The following RAB8B variants were observed in gnomAD, a reference collection of about 807,000 sequenced individuals.
The protein encoded by RAB8B is RAB8B, member RAS oncogene family, also known as ras-related protein Rab-8B.
A neutral mutation model predicts 32.0 loss-of-function variants in RAB8B; 11 were observed. That is an observed-to-expected ratio of 0.34 (90% CI 0.22 to 0.57). RAB8B has a LOEUF of 0.57. Among genes scored for constraint, RAB8B ranks in the 20% least tolerant of loss-of-function variants. The pLI, the probability that RAB8B is intolerant of heterozygous loss-of-function variation, is 0.86. For missense variants in RAB8B, 190 were observed against 258.5 expected (o/e 0.73, Z 1.82); for synonymous variants, 103 against 89.6 (o/e 1.15, Z -0.85).
chr15:63,212,312 C>T (rs1054838466), intron 1 of RAB8B, among the ~76,000 whole-genome samples: 19 of 152,170 alleles, frequency 1.2e-4, no homozygotes, highest in Non-Finnish European at 2.1e-4. Flanking sequence ...TTTTAAACAT[C>T]CGGGGTTGTG....
At chr15:63,216,226 TA>T (rs143467188) in intron 1 of RAB8B, among the ~76,000 whole-genome samples, 6,874 of 125,954 alleles carry the variant, frequency 0.055, 318 homozygotes, top group East Asian at 0.18. Context: ...ATTAATTAAT[TA>T]ATTATTATTT....
At chr15:63,251,656 C>T (rs1175621522) in intron 3 of RAB8B, among the ~76,000 whole-genome samples, 4 of 152,088 alleles carry the variant, frequency 2.6e-5, no homozygotes, top group Non-Finnish European at 5.9e-5. Context: ...TATTACCTTC[C>T]ACATTTTGAA....
At chr15:63,254,350 C>A (rs1595750116) in intron 3 of RAB8B, among the ~76,000 whole-genome samples, 1 of 152,042 alleles carries the variant, frequency 6.6e-6, no homozygotes, top group Non-Finnish European at 1.5e-5. Flanking sequence ...TAGCAGTTGT[C>A]AAAATTATAA....
intron 1 of RAB8B, among the ~76,000 whole-genome samples, chr15:63,200,924 AAAGG>A: frequency 6.6e-6 from 1 of 152,316 alleles, no homozygotes; most frequent in East Asian, 1.9e-4. Context: ...TTGTGGGAGA[AAAGG>A]AAGGAATTAG....
intron 1 of RAB8B, among the ~76,000 whole-genome samples, chr15:63,235,927 G>T (rs2037975264): frequency 6.6e-6 from 1 of 152,020 alleles, no homozygotes; most frequent in Admixed American, 6.6e-5. Context: ...TCTATACTAT[G>T]ACCCTTAAAG....
intron 3 of RAB8B, among the ~76,000 whole-genome samples, chr15:63,250,924 G>A (rs931232670): frequency 2.0e-5 from 3 of 151,668 alleles, no homozygotes; most frequent in African/African-American, 7.3e-5. Flanking sequence ...CAGAGCTGAA[G>A]GGGTGATAGC....
At chr15:63,215,093 G>A (rs1451700014) in intron 1 of RAB8B, among the ~76,000 whole-genome samples, 2 of 152,096 alleles carry the variant, frequency 1.3e-5, no homozygotes, top group East Asian at 1.9e-4. Context: ...ACCAACAGGG[G>A]CTCTGGGAAT....
intron 7 of RAB8B, 152 bp from the exon 8 acceptor site, chr15:63,263,375 T>C (rs1396116237): frequency 1.7e-6 from 1 of 601,324 alleles, no homozygotes; most frequent in Non-Finnish European, 2.9e-6. Context: ...GGTGCTTAAC[T>C]AGTTCCCGTT....
At chr15:63,228,151 G>A (rs2037905143) in intron 1 of RAB8B, among the ~76,000 whole-genome samples, 1 of 152,012 alleles carries the variant, frequency 6.6e-6, no homozygotes, top group African/African-American at 2.4e-5. Context: ...TAAGTAGTTG[G>A]GACTACAGGC....
At position 63,264,267 on chromosome 15, in the gene RAB8B, C is replaced by T. The variant is rs1229038051; in HGVS notation, c.*648C>T. The T allele has an allele frequency of 1.3e-5, 2 of 152,148 alleles. No homozygotes were observed. Among genetic ancestry groups the T allele is most frequent in the African/African-American group, 2.4e-5 (1 of 41,436 alleles). 9.4% of individuals were successfully genotyped at this position (152,148 alleles called of 1,614,324 possible). A position where few individuals can be genotyped will look rare whatever the true frequency, so the allele number is the denominator to read the frequency against. ...CCAGAGTCTGGGTAGCTGAATGAAT[C>T]ACTTTAAAATGATTACCTCTGCCTA... On this transcript the variant is annotated 3_prime_UTR_variant, in exon 8 of 8. Coordinates refer to ENST00000321437, the MANE Select transcript of RAB8B (RefSeq NM_016530.3).
intron 1 of RAB8B, among the ~76,000 whole-genome samples, chr15:63,197,344 TTTTTC>T (rs1595732170): frequency 6.7e-6 from 1 of 148,642 alleles, no homozygotes; most frequent in South Asian, 2.1e-4. Flanking sequence ...TTTCTTTTTT[TTTTTC>T]TTTCTTTCTT....
chr15:63,219,745 C>T (rs141768321), intron 1 of RAB8B, among the ~76,000 whole-genome samples: 1 of 152,304 alleles, frequency 6.6e-6, no homozygotes, highest in Non-Finnish European at 1.5e-5. Context: ...TGTATTTGAT[C>T]AGACAGATCC....
intron 1 of RAB8B, among the ~76,000 whole-genome samples, chr15:63,205,742 A>G (rs2037693145): frequency 6.6e-6 from 1 of 152,268 alleles, no homozygotes; most frequent in Non-Finnish European, 1.5e-5. Flanking sequence ...ATGGCACTGA[A>G]AAACCATGCC....
intron 1 of RAB8B, among the ~76,000 whole-genome samples, chr15:63,204,908 A>G (rs1248731864): frequency 6.6e-6 from 1 of 152,224 alleles, no homozygotes; most frequent in Non-Finnish European, 1.5e-5. Context: ...CTATAATCCA[A>G]GCACTTTGGG....
rs893487458 is a variant in RAB8B, at chr15:63,224,661, A to G, written c.125-20095A>G. Among the ~76,000 whole-genome samples the G allele has an allele frequency of 2.6e-5, 4 of 152,218 alleles. 1 individual carries two copies. In the South Asian group the frequency reaches 8.3e-4, roughly 32 times the overall value. On this transcript the variant is annotated intron_variant, in intron 1 of 7. Transcript: ENST00000321437. ...ATTTCATAATAAAATGGCTGTGCTA[A>G]GCATACTCAGAGGCTCAAAGAACTA...
rs116551209 is a variant in RAB8B, at chr15:63,219,498, C to A, written c.125-25258C>A. 5.7e-3 allele frequency among the ~76,000 whole-genome samples: 846 copies of A among 147,830 alleles called. 8 individuals carry two copies. Among genetic ancestry groups the A allele is most frequent in the African/African-American group, 0.019 (754 of 40,106 alleles). On this transcript the variant is annotated intron_variant, in intron 1 of 7. Coordinates refer to ENST00000321437, the MANE Select transcript of RAB8B (RefSeq NM_016530.3). Reference sequence around the variant, plus strand: ...GGAAAGAGAACAGACAAGAACATGACAACAGATAAGAGAACACAGAGTCCA... The same window carrying A: ...GGAAAGAGAACAGACAAGAACATGAAAACAGATAAGAGAACACAGAGTCCA...
chr15:63,254,785 G>A (rs192784895), intron 3 of RAB8B, among the ~76,000 whole-genome samples: 14 of 152,188 alleles, frequency 9.2e-5, no homozygotes, highest in East Asian at 5.8e-4. Flanking sequence ...GGTGGCGGGC[G>A]CCTGTAGTCC....
rs117653480 is a variant in RAB8B, at chr15:63,212,941, C to G, written c.124+23193C>G. ...CATTTTCAGAATAGAATTAAAAGCA[C>G]ATGCCACTGTCAGTAGTTAACTATG... On this transcript the variant is annotated intron_variant, in intron 1 of 7. Transcript: ENST00000321437. 2.9e-3 allele frequency among the ~76,000 whole-genome samples: 449 copies of G among 152,342 alleles called. 1 individual carries two copies. The highest frequency in any genetic ancestry group is 3.1e-3 in the Non-Finnish European group (214 of 68,026).
At chr15:63,244,678 T>C (rs2038057684) in intron 1 of RAB8B, 78 bp from the exon 2 acceptor site, 2 of 1,179,828 alleles carry the variant, frequency 1.7e-6, no homozygotes, top group African/African-American at 1.5e-5. Context: ...TTTTTTTCAA[T>C]AGAAATCTTT....
Sources: allele counts gnomAD v4.1 joint callset (sites outside exome capture counted in the v4.1 genomes callset), GRCh38; gene constraint gnomAD v4.1.1; transcripts MANE v1.5; gene names NCBI Gene and HGNC (gene_info 2026-07-23, HGNC 2026-07-21).